Variants in TMEM178B observed in about 807,000 individuals in gnomAD.
TMEM178B encodes the protein transmembrane protein 178B.
Under a neutral mutation model 31.0 loss-of-function variants are expected in TMEM178B, and 5 were observed. That is an observed-to-expected ratio of 0.16 (90% CI 0.08 to 0.34). TMEM178B has a LOEUF of 0.34. Among genes scored for constraint, TMEM178B ranks in the 10% least tolerant of loss-of-function variants. The pLI is 1.00. For synonymous variants in TMEM178B, 164 were observed against 164.0 expected (o/e 1.00, Z 0.00); for missense variants, 275 against 400.3 (o/e 0.69, Z 2.67).
At chr7:141,200,760 G>A (rs1400196446) in intron 1 of TMEM178B, among the ~76,000 whole-genome samples, 2 of 152,150 alleles carry the variant, frequency 1.3e-5, no homozygotes, top group Non-Finnish European at 1.5e-5. Flanking sequence ...AAAGAGGAAC[G>A]TACGGAGGCA....
At chr7:141,243,129 A>G (rs1308481175) in intron 2 of TMEM178B, among the ~76,000 whole-genome samples, 1 of 152,100 alleles carries the variant, frequency 6.6e-6, no homozygotes, top group East Asian at 1.9e-4. Context: ...ACAAACCCCA[A>G]ACAACCAAAG....
At chr7:141,285,291 G>C (rs1248079376) in intron 2 of TMEM178B, among the ~76,000 whole-genome samples, 18 of 150,264 alleles carry the variant, frequency 1.2e-4, no homozygotes, top group African/African-American at 4.4e-4. Flanking sequence ...GCTGGGACTA[G>C]AGGTGCCCGC....
chr7:141,127,978 A>G (rs757802862), intron 1 of TMEM178B, among the ~76,000 whole-genome samples: 18 of 152,186 alleles, frequency 1.2e-4, no homozygotes, highest in African/African-American at 3.6e-4. Context: ...ACCACAGGGC[A>G]TAAGAGGATC....
Position 141,215,782 on chromosome 7 carries a change from CTTTCTTTCTTTCTTT to C in TMEM178B, c.496+3079_496+3093del, listed in dbSNP as rs1563120246. ...AAATTTGAATTATATACTTTCCTTT[CTTTCTTTCTTTCTTT>C]CTTTCTTTCTTTCTTTCTTTCTTTC... On this transcript the variant is annotated intron_variant, in intron 2 of 3. Coordinates refer to ENST00000565468, the MANE Select transcript of TMEM178B (RefSeq NM_001195278.2). Among the ~76,000 whole-genome samples, 189 of 41,302 alleles carry C rather than the reference CTTTCTTTCTTTCTTT, an allele frequency of 4.6e-3. 2 individuals carry two copies. The highest frequency in any genetic ancestry group is 7.0e-3 in the Non-Finnish European group (143 of 20,366). The allele number at this position is 41,302 out of a possible 152,430, so 27.1% of individuals were successfully genotyped here.
intron 2 of TMEM178B, among the ~76,000 whole-genome samples, chr7:141,243,938 C>T (rs982297521): frequency 2.6e-5 from 4 of 152,206 alleles, no homozygotes; most frequent in African/African-American, 9.7e-5. Flanking sequence ...GTGTCCTCCA[C>T]AATGCCTGCC....
chr7:141,291,134 G>T (rs914191569), intron 2 of TMEM178B, among the ~76,000 whole-genome samples: 2 of 152,164 alleles, frequency 1.3e-5, no homozygotes, highest in African/African-American at 2.4e-5. Context: ...TCTCGATAGT[G>T]CTGCTGTTGC....
At chr7:141,156,556 C>T (rs1032372476) in intron 1 of TMEM178B, among the ~76,000 whole-genome samples, 2 of 152,220 alleles carry the variant, frequency 1.3e-5, no homozygotes, top group Non-Finnish European at 2.9e-5. Flanking sequence ...TTAATGGATT[C>T]AGCTCTGATG....
At chr7:141,251,260 A>G (rs1337971368) in intron 2 of TMEM178B, among the ~76,000 whole-genome samples, 1 of 151,864 alleles carries the variant, frequency 6.6e-6, no homozygotes, top group African/African-American at 2.4e-5. Context: ...AGAAAAAAAC[A>G]ACCAAACAAG....
At chr7:141,172,102 A>G (rs1796358812) in intron 1 of TMEM178B, among the ~76,000 whole-genome samples, 1 of 152,240 alleles carries the variant, frequency 6.6e-6, no homozygotes, top group African/African-American at 2.4e-5. Context: ...AAACTGAGGC[A>G]TATAGAGATT....
chr7:141,376,202 A>T (rs1221266561), intron 2 of TMEM178B, among the ~76,000 whole-genome samples: 4 of 152,222 alleles, frequency 2.6e-5, no homozygotes, highest in Non-Finnish European at 5.9e-5. Flanking sequence ...GGAATGTTCT[A>T]CTTTACAGAA....
chr7:141,109,283 G>A (rs1461399437), intron 1 of TMEM178B, among the ~76,000 whole-genome samples: 1 of 152,064 alleles, frequency 6.6e-6, no homozygotes, highest in Admixed American at 6.5e-5. Flanking sequence ...GACAGGAAAA[G>A]GTAAGGGGTG....
At chr7:141,222,889 A>G (rs1797278337) in intron 2 of TMEM178B, among the ~76,000 whole-genome samples, 1 of 152,210 alleles carries the variant, frequency 6.6e-6, no homozygotes. Flanking sequence ...TGAGGTCCTC[A>G]GTGTGGTAGC....
intron 1 of TMEM178B, among the ~76,000 whole-genome samples, chr7:141,095,778 T>C (rs1357128889): frequency 6.6e-6 from 1 of 152,224 alleles, no homozygotes; most frequent in Non-Finnish European, 1.5e-5. Flanking sequence ...GTTTACCATC[T>C]GTTGCCTGGC....
chr7:141,453,317 C>A, intron 3 of TMEM178B, among the ~76,000 whole-genome samples: 1 of 152,232 alleles, frequency 6.6e-6, no homozygotes, highest in East Asian at 1.9e-4. Context: ...ACTTTGACTT[C>A]TTGGCCTTGG....
chr7:141,449,181 G>A (rs183069999), intron 3 of TMEM178B, among the ~76,000 whole-genome samples: 1 of 152,320 alleles, frequency 6.6e-6, no homozygotes, highest in Non-Finnish European at 1.5e-5. Context: ...AAGGGAAGTT[G>A]TCAGGCAAGC....
rs1371622794 is a variant in TMEM178B at position 141,477,268 on chromosome 7, C to CTGT, written c.*6482_*6483insTGT. 1 of 154,700 alleles carries CTGT rather than the reference C, an allele frequency of 6.5e-6. No individual in the cohort carries two copies. Among genetic ancestry groups the CTGT allele is most frequent in the Admixed American group, 6.5e-5 (1 of 15,286 alleles). The allele number at this position is 154,700 out of a possible 1,614,324, so 9.6% of individuals were successfully genotyped here. A position where few individuals can be genotyped will look rare whatever the true frequency, so the allele number is the denominator to read the frequency against. ...ATTCAAGACTATCTGTAAAAATGTA[C>CTGT]AAATAAAAGTGAAAACTGAAAATAA... is the stretch of plus-strand genomic sequence containing the variant. On this transcript the variant is annotated 3_prime_UTR_variant, in exon 4 of 4. Transcript: ENST00000565468.
chr7:141,360,913 A>G (rs1040571300), intron 2 of TMEM178B, among the ~76,000 whole-genome samples: 1 of 152,146 alleles, frequency 6.6e-6, no homozygotes, highest in African/African-American at 2.4e-5. Context: ...AGAAAAAAAA[A>G]AGTGATTTGG....
chr7:141,273,349 A>G (rs1292647481), intron 2 of TMEM178B, among the ~76,000 whole-genome samples: 1 of 152,218 alleles, frequency 6.6e-6, no homozygotes, highest in African/African-American at 2.4e-5. Context: ...TGTGATCATT[A>G]TTACAGAATG....
chr7:141,147,616 G>C (rs1795876025), intron 1 of TMEM178B, among the ~76,000 whole-genome samples: 1 of 152,166 alleles, frequency 6.6e-6, no homozygotes, highest in African/African-American at 2.4e-5. Flanking sequence ...CTAAAGAGCA[G>C]GACTTGGAGA....
Sources: allele counts gnomAD v4.1 joint callset (sites outside exome capture counted in the v4.1 genomes callset), GRCh38; gene constraint gnomAD v4.1.1; transcripts MANE v1.5; gene names NCBI Gene and HGNC (gene_info 2026-07-23, HGNC 2026-07-21).